BICD1: variants seen among roughly 807,000 people sequenced by gnomAD.
BICD1 encodes BICD cargo adaptor 1.
Under a neutral mutation model 92.5 loss-of-function variants are expected in BICD1, and 35 were observed. The ratio of observed to expected loss-of-function variants is 0.38; its 90% CI spans 0.29 to 0.50. The LOEUF is 0.50. BICD1 is among the 20% of genes least tolerant of loss of function. The pLI, the probability that BICD1 is intolerant of heterozygous loss-of-function variation, is 0.93. For synonymous variants in BICD1, 429 were observed against 465.1 expected (o/e 0.92, Z 1.00); for missense variants, 950 against 1,189.8 (o/e 0.80, Z 2.97).
intron 1 of BICD1, among the ~76,000 whole-genome samples, chr12:32,156,571 G>A (rs540381258): frequency 1.3e-5 from 2 of 152,304 alleles, no homozygotes; most frequent in South Asian, 4.1e-4. Context: ...ACAGCATTTT[G>A]GGAGCAACCT....
intron 2 of BICD1, among the ~76,000 whole-genome samples, chr12:32,244,076 T>TTTTTTTTTTTTTTTTTTTTTTTTGTA (rs1565613579): frequency 2.0e-5 from 3 of 152,138 alleles, no homozygotes; most frequent in African/African-American, 7.3e-5. Flanking sequence ...ACTCATTCTT[T>TTTTTTTTTTTTTTTTTTTTTTTTGTA]ATCTGCTATT....
At chr12:32,120,501 A>C (rs1472314918) in intron 1 of BICD1, among the ~76,000 whole-genome samples, 2 of 152,230 alleles carry the variant, frequency 1.3e-5, no homozygotes, top group African/African-American at 2.4e-5. Context: ...GTAATGTGGA[A>C]TCAAATACCA....
At chr12:32,288,934 A>G (rs1947652531) in intron 2 of BICD1, among the ~76,000 whole-genome samples, 2 of 152,312 alleles carry the variant, frequency 1.3e-5, no homozygotes, top group African/African-American at 4.8e-5. Flanking sequence ...TACACTTTTT[A>G]AAATATTATT....
intron 1 of BICD1, among the ~76,000 whole-genome samples, chr12:32,142,215 G>C (rs1942946254): frequency 6.6e-6 from 1 of 151,820 alleles, no homozygotes; most frequent in African/African-American, 2.4e-5. Flanking sequence ...AGACCAGCCT[G>C]GCCAACATGG....
intron 2 of BICD1, among the ~76,000 whole-genome samples, chr12:32,264,716 T>G (rs2136133378): frequency 6.6e-6 from 1 of 152,266 alleles, no homozygotes; most frequent in East Asian, 1.9e-4. Flanking sequence ...CTCAAACTCC[T>G]AACCTCAAGT....
Position 32,342,308 on chromosome 12 carries a change from G to A in BICD1, c.2764+3329G>A, listed in dbSNP as rs150745227. ...TTTCCTCTGTCACCCAGGCTGGAGT[G>A]GAGCGGCGCAACCTTGGCTCACTGC... On this transcript the variant is annotated intron_variant, in intron 8 of 9. Transcript: ENST00000652176. Among the ~76,000 whole-genome samples, 1,206 of 148,342 alleles carry A rather than the reference G, an allele frequency of 8.1e-3. 18 individuals are homozygous for A. Among genetic ancestry groups the A allele is most frequent in the African/African-American group, 0.028 (1,123 of 40,340 alleles).
intron 2 of BICD1, among the ~76,000 whole-genome samples, chr12:32,285,374 A>T (rs1317012683): frequency 6.6e-6 from 1 of 152,198 alleles, no homozygotes; most frequent in Admixed American, 6.5e-5. Flanking sequence ...TGCAGATAGT[A>T]AACAGGGGTT....
At chr12:32,266,757 C>G (rs1245548462) in intron 2 of BICD1, among the ~76,000 whole-genome samples, 1 of 151,482 alleles carries the variant, frequency 6.6e-6, no homozygotes, top group East Asian at 1.9e-4. Context: ...ACTCGGGAGG[C>G]TGAGGCAGAA....
intron 1 of BICD1, among the ~76,000 whole-genome samples, chr12:32,200,936 C>T (rs1565583082): frequency 6.6e-6 from 1 of 152,176 alleles, no homozygotes; most frequent in African/African-American, 2.4e-5. Context: ...TTTTTCTTTG[C>T]TTAATACTAA....
chr12:32,250,599 A>G (rs566782203), intron 2 of BICD1, among the ~76,000 whole-genome samples: 20 of 152,332 alleles, frequency 1.3e-4, no homozygotes, highest in African/African-American at 4.3e-4. Context: ...GCCTCTCATT[A>G]GGTATCCACC....
At chr12:32,157,890 G>A (rs1943486185) in intron 1 of BICD1, among the ~76,000 whole-genome samples, 2 of 152,168 alleles carry the variant, frequency 1.3e-5, no homozygotes, top group Middle Eastern at 6.8e-3. Flanking sequence ...GCCTGTTTAG[G>A]TCCTGGCTCC....
At chr12:32,174,530 A>G (rs879482513) in intron 1 of BICD1, among the ~76,000 whole-genome samples, 1 of 152,086 alleles carries the variant, frequency 6.6e-6, no homozygotes, top group South Asian at 2.1e-4. Flanking sequence ...AAATTAATCC[A>G]TTGGATTACT....
At chr12:32,245,013 G>T (rs2136090555) in intron 2 of BICD1, among the ~76,000 whole-genome samples, 1 of 152,206 alleles carries the variant, frequency 6.6e-6, no homozygotes, top group East Asian at 1.9e-4. Context: ...AAAGACCTGG[G>T]CTCAGAATCA....
At chr12:32,174,383 G>A (rs1206431222) in intron 1 of BICD1, among the ~76,000 whole-genome samples, 3 of 151,932 alleles carry the variant, frequency 2.0e-5, no homozygotes, top group Non-Finnish European at 4.4e-5. Context: ...TACACCTGTA[G>A]TCCCAACCAC....
intron 1 of BICD1, among the ~76,000 whole-genome samples, chr12:32,139,062 G>C (rs565958546): frequency 6.6e-6 from 1 of 152,260 alleles, no homozygotes; most frequent in East Asian, 1.9e-4. Context: ...AATGTTTGTA[G>C]TTAAATTTTC....
rs191768775 is a variant in BICD1 at position 32,379,648 on chromosome 12, C to G, written c.*2021C>G. 1.2e-4 allele frequency: 18 copies of G among 152,320 alleles called. No homozygotes were observed. Among genetic ancestry groups the G allele is most frequent in the South Asian group, 6.2e-4 (3 of 4,822 alleles). The allele number at this position is 152,320 out of a possible 1,614,324, so 9.4% of individuals were successfully genotyped here. On this transcript the variant is annotated 3_prime_UTR_variant, in exon 10 of 10. Coordinates refer to ENST00000652176, the MANE Select transcript of BICD1 (RefSeq NM_001714.4). ...CAATGAAAGAAAGCTTACCCCTGCC[C>G]TCACTTTGTGTTTTTTATTTTTCCC...
intron 3 of BICD1, among the ~76,000 whole-genome samples, chr12:32,304,072 TCAAAAAAAAAAAAATAGAA>T: frequency 7.1e-6 from 1 of 141,296 alleles, no homozygotes; most frequent in Non-Finnish European, 1.5e-5. Flanking sequence ...AGACTCCGTC[TCAAAAAAAAAAAAATAGAA>T]AAAGTTCCAT....
chr12:32,210,131 T>G (rs896457998), intron 1 of BICD1, among the ~76,000 whole-genome samples: 1 of 152,192 alleles, frequency 6.6e-6, no homozygotes, highest in Non-Finnish European at 1.5e-5. Flanking sequence ...AGTTTTTTTT[T>G]TTTGTTTTCC....
At chr12:32,349,480 A>G (rs369684130) in intron 8 of BICD1, among the ~76,000 whole-genome samples, 1 of 152,142 alleles carries the variant, frequency 6.6e-6, no homozygotes, top group African/African-American at 2.4e-5. Flanking sequence ...AGAGCCTACA[A>G]TGAAGAAATC....
Sources: allele counts gnomAD v4.1 joint callset (sites outside exome capture counted in the v4.1 genomes callset), GRCh38; gene constraint gnomAD v4.1.1; transcripts MANE v1.5; gene names NCBI Gene and HGNC (gene_info 2026-07-23, HGNC 2026-07-21).